The following ATG10 variants were observed in gnomAD, a reference collection of about 807,000 sequenced individuals.
The protein encoded by ATG10 is autophagy related 10, also known as ubiquitin-like-conjugating enzyme ATG10.
ATG10 carries 30 observed loss-of-function variants against 32.1 expected under a neutral mutation model. The ratio of observed to expected loss-of-function variants is 0.94; its 90% CI spans 0.70 to 1.27. The LOEUF (loss-of-function observed/expected upper bound fraction) is 1.27, where lower values mean the gene tolerates loss of function less well. Among genes scored for constraint, ATG10 ranks in the 50% most tolerant of loss-of-function variants. The probability of loss-of-function intolerance (pLI) is 0.00; values close to 1 mark genes in which losing one functional copy is unlikely to be tolerated. For synonymous variants in ATG10, 87 were observed against 91.5 expected, an observed-to-expected ratio of 0.95 and a Z score of 0.28; for missense variants, 233 against 262.3, an observed-to-expected ratio of 0.89 and a Z score of 0.77.
At chr5:82,141,360 T>C (rs1049034483) in intron 3 of ATG10, among the ~76,000 whole-genome samples, 6 of 152,172 alleles carry the variant, frequency 3.9e-5, no homozygotes, top group Non-Finnish European at 8.8e-5. Context: ...TCAATCACAA[T>C]CATTACTTAT....
intron 3 of ATG10, among the ~76,000 whole-genome samples, chr5:82,103,807 T>C (rs1423537315): frequency 6.6e-6 from 1 of 152,126 alleles, no homozygotes; most frequent in East Asian, 1.9e-4. Flanking sequence ...GTGCAACCAA[T>C]TCCCAGATGA....
At chr5:82,205,599 T>C (rs1158609929) in intron 5 of ATG10, among the ~76,000 whole-genome samples, 1 of 152,142 alleles carries the variant, frequency 6.6e-6, no homozygotes, top group Non-Finnish European at 1.5e-5. Flanking sequence ...GAAAGGACAT[T>C]TTATGGTTTT....
Position 82,110,453 on chromosome 5 carries a change from C to G in ATG10, c.216+51851C>G, listed in dbSNP as rs536863359. On this transcript the variant is annotated intron_variant, in intron 3 of 7. Transcript: ENST00000282185. The stretch of plus-strand genomic sequence containing the variant: ...CATTCCTATTTCTCCACATCCTCTC[C>G]AGCACCTGTTGTTTCCTGACTTTTT... Among the ~76,000 whole-genome samples, 763 of 152,264 alleles carry G rather than the reference C, an allele frequency of 5.0e-3. 4 individuals are homozygous for G. The highest frequency in any genetic ancestry group is 0.014 in the Middle Eastern group (4 of 294).
chr5:82,189,150 A>G (rs1256874845), intron 5 of ATG10, among the ~76,000 whole-genome samples: 1 of 152,252 alleles, frequency 6.6e-6, no homozygotes, highest in African/African-American at 2.4e-5. Flanking sequence ...GTTTGTATAC[A>G]TACATTCTCA....
At chr5:82,037,808 G>A (rs1444716740) in intron 2 of ATG10, among the ~76,000 whole-genome samples, 1 of 152,068 alleles carries the variant, frequency 6.6e-6, no homozygotes, top group East Asian at 1.9e-4. Context: ...CATTAATGTA[G>A]TGATTACATT....
intron 2 of ATG10, among the ~76,000 whole-genome samples, chr5:82,027,916 A>C (rs1258593585): frequency 6.6e-6 from 1 of 152,228 alleles, no homozygotes; most frequent in Non-Finnish European, 1.5e-5. Flanking sequence ...TCACTACAAA[A>C]ACTCAGCAGG....
At chr5:82,184,381 C>T (rs1744365719) in intron 5 of ATG10, among the ~76,000 whole-genome samples, 1 of 151,988 alleles carries the variant, frequency 6.6e-6, no homozygotes. Context: ...TCCAGGTAAA[C>T]ATAGTTATTT....
chr5:82,073,538 C>T (rs949927643), intron 3 of ATG10: 2 of 152,168 alleles, frequency 1.3e-5, no homozygotes, highest in Non-Finnish European at 2.9e-5. Flanking sequence ...GAAAATATTA[C>T]TGAACCTCTT....
At chr5:82,123,582 G>C (rs941402603) in intron 3 of ATG10, among the ~76,000 whole-genome samples, 9 of 151,734 alleles carry the variant, frequency 5.9e-5, no homozygotes, top group African/African-American at 1.7e-4. Flanking sequence ...GTTGACTAAG[G>C]CTTTTTGAAA....
intron 5 of ATG10, among the ~76,000 whole-genome samples, chr5:82,181,620 G>A (rs796826244): frequency 6.6e-5 from 10 of 152,146 alleles, no homozygotes; most frequent in African/African-American, 1.9e-4. Flanking sequence ...AGTAGACACC[G>A]TTTTGCAGAA....
intron 2 of ATG10, among the ~76,000 whole-genome samples, chr5:82,027,662 C>T (rs1295989468): frequency 6.6e-6 from 1 of 152,150 alleles, no homozygotes; most frequent in East Asian, 1.9e-4. Flanking sequence ...TATTTTTTTA[C>T]AGATATTGTT....
At chr5:82,236,785 CA>C (rs1746571060) in intron 5 of ATG10, among the ~76,000 whole-genome samples, 1 of 152,184 alleles carries the variant, frequency 6.6e-6, no homozygotes, top group African/African-American at 2.4e-5. Flanking sequence ...AAAATGTCAA[CA>C]GGGGCAGCTA....
chr5:82,093,775 T>C (rs1030289010), intron 3 of ATG10, among the ~76,000 whole-genome samples: 2 of 152,162 alleles, frequency 1.3e-5, no homozygotes, highest in South Asian at 2.1e-4. Context: ...GGTACAGTTA[T>C]GTTATTTGGA....
intron 3 of ATG10, among the ~76,000 whole-genome samples, chr5:82,136,106 G>A (rs1766730733): frequency 6.6e-6 from 1 of 151,902 alleles, no homozygotes; most frequent in South Asian, 2.1e-4. Flanking sequence ...TTTATTTTGA[G>A]CCTATGTGTG....
chr5:82,060,824 G>T (rs1763743117), intron 3 of ATG10, among the ~76,000 whole-genome samples: 1 of 151,818 alleles, frequency 6.6e-6, no homozygotes, highest in Non-Finnish European at 1.5e-5. Context: ...TTACATCATT[G>T]GTGGGTGACA....
At chr5:82,083,689 C>A (rs375763233) in intron 3 of ATG10, among the ~76,000 whole-genome samples, 223 of 152,334 alleles carry the variant, frequency 1.5e-3, no homozygotes, top group Non-Finnish European at 2.6e-3. Context: ...TGCTGTTCTG[C>A]AGCCTCCACT....
intron 3 of ATG10, among the ~76,000 whole-genome samples, chr5:82,119,984 TTGTGTGTGTGTGTGTG>T (rs5869106): frequency 6.7e-6 from 1 of 148,200 alleles, no homozygotes; most frequent in Non-Finnish European, 1.5e-5. Context: ...CCACCATTTA[TTGTGTGTGTGTGTGTG>T]TGTGTGTGTG....
intron 3 of ATG10, among the ~76,000 whole-genome samples, chr5:82,158,108 A>G (rs1205088391): frequency 1.3e-5 from 2 of 152,178 alleles, no homozygotes; most frequent in Non-Finnish European, 2.9e-5. Flanking sequence ...AATGGGATTT[A>G]GTTGTAAAGC....
At chr5:82,050,501 C>G (rs935103331) in intron 2 of ATG10, among the ~76,000 whole-genome samples, 1 of 151,736 alleles carries the variant, frequency 6.6e-6, no homozygotes, top group Non-Finnish European at 1.5e-5. Flanking sequence ...TAATTTAGTC[C>G]TCTGTGCTTT....
Sources: allele counts gnomAD v4.1 joint callset (sites outside exome capture counted in the v4.1 genomes callset), GRCh38; gene constraint gnomAD v4.1.1; transcripts MANE v1.5; gene names NCBI Gene and HGNC (gene_info 2026-07-23, HGNC 2026-07-21).